HLTF: variants seen among roughly 807,000 people sequenced by gnomAD.
HLTF encodes the protein helicase like transcription factor.
Under a neutral mutation model 129.4 loss-of-function variants are expected in HLTF, and 127 were observed. The observed-to-expected ratio is 0.98, with a 90% CI of 0.85 to 1.14. HLTF has a LOEUF of 1.14. Ranked by LOEUF, HLTF falls within the 50% of genes most tolerant of loss-of-function variation. HLTF has a pLI of 0.00. For synonymous variants in HLTF, 332 were observed against 388.8 expected (o/e 0.85, Z 1.72); for missense variants, 1,139 against 1,187.1 (o/e 0.96, Z 0.60).
intron 17 of HLTF, among the ~76,000 whole-genome samples, chr3:149,047,655 CATAA>C (rs923847335): frequency 5.9e-5 from 9 of 151,840 alleles, no homozygotes; most frequent in Non-Finnish European, 1.0e-4. Context: ...TAAATAAATA[CATAA>C]ATAAATAAAT....
intron 14 of HLTF, among the ~76,000 whole-genome samples, chr3:149,052,870 A>G (rs1016232731): frequency 2.0e-5 from 3 of 152,224 alleles, no homozygotes; most frequent in African/African-American, 7.2e-5. Flanking sequence ...GAAGAAAATC[A>G]GCTTTTCTGG....
At position 149,039,591 on chromosome 3, in the gene HLTF, T is replaced by C; in HGVS notation, c.2605A>G (p.Ile869Val). ...QFTTFLSLIE[I>V]PLKASGFVFT... is the part of the protein sequence containing the mutation. Reference sequence around the variant, plus strand: ...CACTGTGGAACTTACTTAAGTGGTATTTCTATTAAAGACAGGAATGTTGTA... The same window carrying C: ...CACTGTGGAACTTACTTAAGTGGTACTTCTATTAAAGACAGGAATGTTGTA... Residue 869 changes from isoleucine (I) to valine (V), a missense_variant, in exon 22 of 25, where the codon ATA becomes GTA. By Grantham distance (29) the Ile-to-Val change is conservative. Transcript: ENST00000310053. The C allele has an allele frequency of 1.3e-6, 2 of 1,489,870 alleles. No homozygotes were observed. The highest frequency in any genetic ancestry group is 1.9e-6 in the Non-Finnish European group (2 of 1,079,026). 92.3% of individuals were successfully genotyped at this position (1,489,870 alleles called of 1,614,324 possible).
chr3:149,043,560 A>G (rs149878755), intron 18 of HLTF, among the ~76,000 whole-genome samples: 1 of 151,150 alleles, frequency 6.6e-6, no homozygotes, highest in Non-Finnish European at 1.5e-5. Flanking sequence ...AAAAAAAAAA[A>G]AAAAAAAAAC....
chr3:149,047,351 G>A (rs921677559), intron 17 of HLTF, among the ~76,000 whole-genome samples: 7 of 152,062 alleles, frequency 4.6e-5, no homozygotes, highest in African/African-American at 1.7e-4. Context: ...ACTATATAAA[G>A]CTATGTAAGG....
rs1310401110 is a variant in HLTF at position 149,041,421 on chromosome 3, C to CT, written c.2376+68dup. 4 of 1,004,374 alleles carry CT rather than the reference C, an allele frequency of 4.0e-6. No individual in the cohort carries two copies. The African/African-American group carries it at 6.7e-5, about 17-fold the overall frequency. The allele number at this position is 1,004,374 out of a possible 1,614,324, so 62.2% of individuals were successfully genotyped here. A position where few individuals can be genotyped will look rare whatever the true frequency, so the allele number is the denominator to read the frequency against. On this transcript the variant is annotated intron_variant, in intron 20 of 24. Coordinates refer to ENST00000310053, the MANE Select transcript of HLTF (RefSeq NM_003071.4). The stretch of plus-strand genomic sequence containing the variant: ...CCAAGTGCAAAACTCCATATACTAT[C>CT]TTTTATTATATTAAAGACAGGTACA...
intron 17 of HLTF, 30 bp downstream of exon 17, chr3:149,047,998 T>TATA: frequency 6.5e-7 from 1 of 1,544,856 alleles, no homozygotes; most frequent in Non-Finnish European, 8.7e-7. Context: ...TATTTGTAAC[T>TATA]AATATTAATC....
chr3:149,035,397 C>T (rs1276569799), intron 23 of HLTF, among the ~76,000 whole-genome samples: 1 of 151,954 alleles, frequency 6.6e-6, no homozygotes, highest in Non-Finnish European at 1.5e-5. Flanking sequence ...TTAGTTTTCT[C>T]CCCCTTTTCT....
At chr3:149,083,587 T>C (rs1652490621) in intron 2 of HLTF, 1 of 151,940 alleles carries the variant, frequency 6.6e-6, no homozygotes, top group South Asian at 2.1e-4. Context: ...CCAGAGAATA[T>C]ATAGATGTGA....
intron 23 of HLTF, 50 bp from the exon 24 acceptor site, chr3:149,035,048 GT>G (rs760012898): frequency 7.6e-7 from 1 of 1,317,638 alleles, no homozygotes; most frequent in East Asian, 2.3e-5. Flanking sequence ...ATCTTTCAGT[GT>G]TTTGCATTTG....
intron 1 of HLTF, among the ~76,000 whole-genome samples, 158 bp downstream of exon 1, chr3:149,086,159 T>C (rs887569120): frequency 6.6e-6 from 1 of 151,956 alleles, no homozygotes; most frequent in Admixed American, 6.6e-5. Context: ...GCGAAGACAA[T>C]GCATTTATTT....
At chr3:149,074,877 A>G (rs937615336) in intron 3 of HLTF, among the ~76,000 whole-genome samples, 1 of 152,216 alleles carries the variant, frequency 6.6e-6, no homozygotes, top group Non-Finnish European at 1.5e-5. Flanking sequence ...AAGATCCTAA[A>G]TATTCCAGAT....
intron 8 of HLTF, among the ~76,000 whole-genome samples, chr3:149,067,357 GT>G (rs1443864745): frequency 2.6e-5 from 4 of 151,838 alleles, no homozygotes; most frequent in African/African-American, 4.8e-5. Context: ...ACAAAGATTT[GT>G]ACCTGTCATT....
chr3:149,039,061 A>C lies in HLTF; in HGVS notation c.2784T>G (p.Phe928Leu). The change falls in exon 23 of 25, where the codon TTT becomes TTG. Residue 928 changes from phenylalanine to leucine, a missense_variant. Coordinates refer to ENST00000310053, the MANE Select transcript of HLTF (RefSeq NM_003071.4). ...CAGAACTACTTACTGGATCCATTAA[A>C]AACACTCGAGAAGCTGCAGACAGAT... ...GLNLSAASRVFLMDPAWNPAA... is the reference protein window; with the variant it reads ...GLNLSAASRVLLMDPAWNPAA... The C allele has an allele frequency of 6.4e-7, 1 of 1,573,146 alleles. No homozygotes were observed.
chr3:149,055,194 C>A, intron 14 of HLTF, 109 bp downstream of exon 14: 1 of 693,946 alleles, frequency 1.4e-6, no homozygotes. Flanking sequence ...TAGATACGAA[C>A]TGATGACCAA....
intron 7 of HLTF, among the ~76,000 whole-genome samples, chr3:149,069,786 G>C (rs1298930916): frequency 1.3e-5 from 2 of 152,164 alleles, no homozygotes; most frequent in East Asian, 3.8e-4. Context: ...ATCTACAAAG[G>C]AAACAACTGA....
At chr3:149,064,532 AT>A (rs913871924) in intron 9 of HLTF, among the ~76,000 whole-genome samples, 1 of 151,972 alleles carries the variant, frequency 6.6e-6, no homozygotes. Flanking sequence ...CTTTCATGAG[AT>A]TTTTTTTCAC....
At chr3:149,037,017 A>T (rs1232850060) in intron 23 of HLTF, among the ~76,000 whole-genome samples, 2 of 152,258 alleles carry the variant, frequency 1.3e-5, no homozygotes, top group Non-Finnish European at 2.9e-5. Flanking sequence ...ATTATAAGCA[A>T]GAAAAATAAA....
At position 149,048,008 on chromosome 3, in the gene HLTF, C is replaced by A. The variant is rs769032257; in HGVS notation, c.1892+20G>T. The A allele has an allele frequency of 6.4e-7, 1 of 1,564,458 alleles. No individual in the cohort carries two copies. The highest frequency in any genetic ancestry group is 8.6e-7 in the Non-Finnish European group (1 of 1,158,414). On this transcript the variant is annotated intron_variant, in intron 17 of 24. Transcript: ENST00000310053. ...ACAGTTATTTGTAACTAATATTAAT[C>A]ACTGTCTGAAAGTACTTACCTAAGT...
chr3:149,065,500 A>G (rs974888680), intron 8 of HLTF, among the ~76,000 whole-genome samples: 1 of 152,210 alleles, frequency 6.6e-6, no homozygotes, highest in East Asian at 1.9e-4. Context: ...CTTACTAAAA[A>G]TGTGGTTGAA....
Sources: allele counts gnomAD v4.1 joint callset (sites outside exome capture counted in the v4.1 genomes callset), GRCh38; gene constraint gnomAD v4.1.1; transcripts MANE v1.5; gene names NCBI Gene and HGNC (gene_info 2026-07-23, HGNC 2026-07-21).